MICAL3: variants seen among roughly 807,000 people sequenced by gnomAD.
MICAL3 encodes the protein microtubule associated monooxygenase, calponin and LIM domain containing 3.
MICAL3 carries 62 observed loss-of-function variants against 207.4 expected under a neutral mutation model. The ratio of observed to expected loss-of-function variants is 0.30; its 90% confidence interval spans 0.24 to 0.37. MICAL3 has a LOEUF of 0.37. Among genes scored for constraint, MICAL3 ranks in the 10% least tolerant of loss-of-function variants. The pLI is 1.00. For synonymous variants in MICAL3, 1,077 were observed against 1,069.3 expected, an observed-to-expected ratio of 1.01 and a Z score of -0.14; for missense variants, 2,368 against 2,635.6, an observed-to-expected ratio of 0.90 and a Z score of 2.22.
chr22:18,018,335 G>A (rs752259441), intron 1 of MICAL3, among the ~76,000 whole-genome samples: 4 of 152,134 alleles, frequency 2.6e-5, no homozygotes, highest in Non-Finnish European at 4.4e-5. Context: ...AATTTCTGTC[G>A]GTATTTGCTC....
Position 17,978,858 on chromosome 22 carries a change from A to G in MICAL3, c.-75+45423T>C, listed in dbSNP as rs749194354. On this transcript the variant is annotated intron_variant, in intron 1 of 31. Transcript: ENST00000441493. ...AAAATGAATGAATGGTATGTGAATT[A>G]TATAATAAAGCTGTTTAAAAGAAAA... is the stretch of plus-strand genomic sequence containing the variant. Among the ~76,000 whole-genome samples the G allele has an allele frequency of 9.4e-4, 139 of 147,968 alleles. 1 individual carries two copies. Among genetic ancestry groups the G allele is most frequent in the Non-Finnish European group, 1.7e-3 (112 of 66,948 alleles).
intron 1 of MICAL3, chr22:18,001,047 C>A (rs1012341901): frequency 6.6e-6 from 1 of 152,178 alleles, no homozygotes; most frequent in Admixed American, 6.5e-5. Flanking sequence ...CCCCGCGCTT[C>A]CCCGCGCCTG....
At chr22:17,965,145 T>C (rs964826943) in intron 1 of MICAL3, among the ~76,000 whole-genome samples, 91 of 148,184 alleles carry the variant, frequency 6.1e-4, no homozygotes, top group Admixed American at 8.2e-4. Context: ...AGAAGAGAGT[T>C]TGAGACCAGC....
At chr22:17,921,024 GC>G (rs929096194) in intron 1 of MICAL3, among the ~76,000 whole-genome samples, 1 of 152,054 alleles carries the variant, frequency 6.6e-6, no homozygotes, top group African/African-American at 2.4e-5. Context: ...CTCGCATTTT[GC>G]CCACAAGGAA....
intron 27 of MICAL3, chr22:17,811,497 G>A (rs2062047498): frequency 6.6e-6 from 1 of 152,376 alleles, no homozygotes; most frequent in Non-Finnish European, 1.5e-5. Flanking sequence ...CCGCTAGGAA[G>A]AAGAGAGGTT....
chr22:17,929,107 T>C (rs1602236533), intron 1 of MICAL3, among the ~76,000 whole-genome samples: 1 of 150,484 alleles, frequency 6.6e-6, no homozygotes. Flanking sequence ...TTTTTTTTTT[T>C]CCTTTTTTAA....
At chr22:18,021,144 T>A (rs1924449322) in intron 1 of MICAL3, among the ~76,000 whole-genome samples, 1 of 152,192 alleles carries the variant, frequency 6.6e-6, no homozygotes, top group Non-Finnish European at 1.5e-5. Flanking sequence ...AACTGGACAT[T>A]TTCCCCCAGT....
Position 17,818,596 on chromosome 22 carries a change from C to T in MICAL3, c.4065G>A (p.Thr1355=), listed in dbSNP as rs375562010. Residue 1355 remains threonine (T), a synonymous_variant, in exon 26 of 32, where the codon ACG becomes ACA. Transcript: ENST00000441493. ...RSKGPEPSFP[T]PAFRPVSLKS... ...TGAGGGACACTGGCCTGAAGGCAGG[C>T]GTGGGGAAGCTGGGCTCGGGCCCCT... 6.9e-5 allele frequency: 112 copies of T among 1,613,444 alleles called. No individual in the cohort carries two copies. The highest frequency in any genetic ancestry group is 1.2e-4 in the South Asian group (11 of 91,084).
chr22:17,954,834 C>T (rs1934534671), intron 1 of MICAL3, among the ~76,000 whole-genome samples: 1 of 151,994 alleles, frequency 6.6e-6, no homozygotes, highest in South Asian at 2.1e-4. Context: ...GCAACCTCGC[C>T]CTCCCGGGTT....
chr22:17,875,022 T>C (rs1185835285), intron 16 of MICAL3, among the ~76,000 whole-genome samples: 1 of 152,206 alleles, frequency 6.6e-6, no homozygotes, highest in Non-Finnish European at 1.5e-5. Flanking sequence ...CCTCAAATGA[T>C]GACAACAGGC....
rs73382727 is a variant in MICAL3, at chr22:17,803,965, C to T, written c.5650+4879G>A. On this transcript the variant is annotated intron_variant, in intron 29 of 31. Coordinates refer to ENST00000441493, the MANE Select transcript of MICAL3 (RefSeq NM_015241.3). ...ATATGGAGCAATCAATGATATGGAG[C>T]GCAAGAAACACAGACACAGCGAGGC... The T allele has an allele frequency of 2.9e-3, 1,322 of 449,206 alleles. 26 individuals carry two copies. The highest frequency in any genetic ancestry group is 0.027 in the African/African-American group (1,262 of 46,714). 27.8% of individuals were successfully genotyped at this position (449,206 alleles called of 1,614,324 possible).
chr22:17,920,331 C>T (rs760497970), intron 1 of MICAL3, among the ~76,000 whole-genome samples: 7 of 152,198 alleles, frequency 4.6e-5, no homozygotes, highest in Non-Finnish European at 1.0e-4. Context: ...TCCAGCCTGA[C>T]GCTGTGTCTT....
intron 1 of MICAL3, among the ~76,000 whole-genome samples, chr22:17,924,798 A>G (rs1932877739): frequency 6.6e-6 from 1 of 152,200 alleles, no homozygotes; most frequent in South Asian, 2.1e-4. Context: ...TGAGAACAGC[A>G]GGTATTTCAT....
rs10689117 is a variant in MICAL3 at position 18,014,986 on chromosome 22, C to CAAAAA, written c.-75+9290_-75+9294dup. On this transcript the variant is annotated intron_variant, in intron 1 of 31. Coordinates refer to ENST00000441493, the MANE Select transcript of MICAL3 (RefSeq NM_015241.3). ...TGGGCGACAGAGTGAGACTCCATCT[C>CAAAAA]AAAAAAAAAAAAGAGAAAGTGTTGC... Among the ~76,000 whole-genome samples the CAAAAA allele has an allele frequency of 7.8e-3, 1,093 of 140,520 alleles. 19 individuals are homozygous for CAAAAA. Among genetic ancestry groups the CAAAAA allele is most frequent in the African/African-American group, 0.028 (1,057 of 37,574 alleles). The allele number at this position is 140,520 out of a possible 152,430, so 92.2% of individuals were successfully genotyped here.
intron 1 of MICAL3, among the ~76,000 whole-genome samples, chr22:17,919,640 C>T (rs1357093288): frequency 6.6e-6 from 1 of 152,216 alleles, no homozygotes; most frequent in African/African-American, 2.4e-5. Flanking sequence ...GAATGGGACC[C>T]CTACAAGGAG....
At chr22:17,870,405 G>A (rs548202831) in intron 17 of MICAL3, among the ~76,000 whole-genome samples, 2 of 152,236 alleles carry the variant, frequency 1.3e-5, no homozygotes, top group South Asian at 2.1e-4. Flanking sequence ...GCACACACTC[G>A]TGTCGCCTGC....
chr22:17,894,627 T>C (rs1342827293), intron 10 of MICAL3, among the ~76,000 whole-genome samples: 1 of 151,278 alleles, frequency 6.6e-6, no homozygotes, highest in African/African-American at 2.4e-5. Flanking sequence ...TGAAACCCCA[T>C]CTCTACTAAA....
intron 8 of MICAL3, 49 bp from the exon 9 acceptor site, chr22:17,896,410 A>G (rs1294559488): frequency 3.6e-6 from 4 of 1,119,540 alleles, no homozygotes. Context: ...ACACCTTTCA[A>G]AATGGGAAAA....
At chr22:17,957,877 T>C (rs140726561) in intron 1 of MICAL3, among the ~76,000 whole-genome samples, 46 of 152,178 alleles carry the variant, frequency 3.0e-4, no homozygotes, top group African/African-American at 9.6e-4. Flanking sequence ...GCCTGTCAAA[T>C]GGTGCCTGCA....
Sources: allele counts gnomAD v4.1 joint callset (sites outside exome capture counted in the v4.1 genomes callset), GRCh38; gene constraint gnomAD v4.1.1; transcripts MANE v1.5; gene names NCBI Gene and HGNC (gene_info 2026-07-23, HGNC 2026-07-21).